Variants in AHRR observed in about 807,000 individuals in gnomAD.
The protein encoded by AHRR is aryl hydrocarbon receptor repressor.
In AHRR, 28 loss-of-function variants were observed where a neutral mutation model predicts 44.0. That is an observed-to-expected ratio of 0.64 (90% CI 0.47 to 0.87). The LOEUF (loss-of-function observed/expected upper bound fraction) is 0.87. AHRR is among the 40% of genes least tolerant of loss of function. AHRR has a pLI of 0.00. For synonymous variants in AHRR, 434 were observed against 407.0 expected, an observed-to-expected ratio of 1.07 and a Z score of -0.80; for missense variants, 990 against 953.9, an observed-to-expected ratio of 1.04 and a Z score of -0.50.
At chr5:416,872 G>A (rs191908699) in intron 5 of AHRR, among the ~76,000 whole-genome samples, 1 of 152,274 alleles carries the variant, frequency 6.6e-6, no homozygotes, top group Non-Finnish European at 1.5e-5. Context: ...CAGGGCCCAT[G>A]TCTAGAGAAG....
intron 5 of AHRR, among the ~76,000 whole-genome samples, chr5:414,401 G>T (rs1317582887): frequency 6.6e-6 from 1 of 152,132 alleles, no homozygotes; most frequent in Non-Finnish European, 1.5e-5. Flanking sequence ...TTCTCCCATT[G>T]CACGGCGAGG....
At position 404,087 on chromosome 5, in the gene AHRR, G is replaced by C. The variant is rs540634981; in HGVS notation, c.352-9257G>C. 1.4e-4 allele frequency: 86 copies of C among 634,730 alleles called. No individual in the cohort carries two copies. The African/African-American group carries it at 1.4e-3, about 10-fold the overall frequency. The allele number at this position is 634,730 out of a possible 1,614,324, so 39.3% of individuals were successfully genotyped here. A position where few individuals can be genotyped will look rare whatever the true frequency, so the allele number is the denominator to read the frequency against. On this transcript the variant is annotated intron_variant, in intron 4 of 10. Coordinates refer to ENST00000684583, the MANE Select transcript of AHRR (RefSeq NM_001377236.1). The surrounding 1 kb of genome is among the most constrained non-coding windows in gnomAD (Gnocchi z 4.1). ...TGTCCAGCGTTTGAAGAAAAAGTCAGTTCCGTTGTCAGGGTTGGTCCAGGT... is the reference window on the plus strand; with the variant it reads ...TGTCCAGCGTTTGAAGAAAAAGTCACTTCCGTTGTCAGGGTTGGTCCAGGT...
In AHRR at chr5:434,218, C is replaced by G; in HGVS notation, c.1478C>G (p.Pro493Arg). The G allele has an allele frequency of 6.3e-7, 1 of 1,589,918 alleles. No homozygotes were observed. The highest frequency in any genetic ancestry group is 8.6e-7 in the Non-Finnish European group (1 of 1,168,092). Residue 493 changes from proline (P) to arginine (R), a missense_variant, in exon 11 of 11, where the codon CCT (proline) becomes CGT (arginine). Coordinates refer to ENST00000684583, the MANE Select transcript of AHRR (RefSeq NM_001377236.1). ...CAGAGGAGCCTGCAGCACCAGCTCC[C>G]TCAGCCTGGAGCTCAGCGTTTTGCC... ...FPQRSLQHQLPQPGAQRFATR... is the reference protein window; with the variant it reads ...FPQRSLQHQLRQPGAQRFATR...
In AHRR at chr5:434,190, C is replaced by G; in HGVS notation, c.1450C>G (p.Pro484Ala). 1 of 1,594,154 alleles carries G rather than the reference C, an allele frequency of 6.3e-7. No individual in the cohort carries two copies. Among genetic ancestry groups the G allele is most frequent in the Non-Finnish European group, 8.5e-7 (1 of 1,170,244 alleles). ...GGTGCACCCTCCCCTCTGCCACTTT[C>G]CCCAGAGGAGCCTGCAGCACCAGCT... ...DQVHPPLCHF[P>A]QRSLQHQLPQ... The change falls in exon 11 of 11, where the codon CCC becomes GCC. Residue 484 changes from proline (P) to alanine (A), a missense_variant. Transcript: ENST00000684583.
intron 5 of AHRR, among the ~76,000 whole-genome samples, chr5:414,139 C>T (rs561610773): frequency 4.8e-4 from 73 of 151,968 alleles, no homozygotes; most frequent in African/African-American, 1.4e-3. Context: ...GGCGTGCACC[C>T]GTAGTCCCAG....
rs56042615 is a variant in AHRR at position 437,552 on chromosome 5, G to A, written c.*2718G>A. 0.26 allele frequency: 40,327 copies of A among 152,342 alleles called. 6,966 individuals carry two copies. Among genetic ancestry groups the A allele is most frequent in the Non-Finnish European group, 0.39 (26,460 of 68,000 alleles). The allele number at this position is 152,342 out of a possible 1,614,324, so 9.4% of individuals were successfully genotyped here. A position where few individuals can be genotyped will look rare whatever the true frequency, so the allele number is the denominator to read the frequency against. On this transcript the variant is annotated 3_prime_UTR_variant, in exon 11 of 11. Coordinates refer to ENST00000684583, the MANE Select transcript of AHRR (RefSeq NM_001377236.1). ...TCAGTGTCATCAAAGGAGCACTGGG[G>A]CCTCCTTAAGCACAGACGGCAGCCC...
At chr5:432,768 G>C (rs777392856) in intron 9 of AHRR, 38 bp from the exon 10 acceptor site, 9 of 1,612,912 alleles carry the variant, frequency 5.6e-6, no homozygotes, top group South Asian at 1.1e-5. Flanking sequence ...TCCTCAGCTC[G>C]CACCGTGACG....
At chr5:345,311 GAT>G (rs1491258861) in intron 2 of AHRR, among the ~76,000 whole-genome samples, 3 of 84,444 alleles carry the variant, frequency 3.6e-5, no homozygotes, top group Admixed American at 1.2e-4. Flanking sequence ...TGTGTGTGGG[GAT>G]GTGTGTGTGT....
In AHRR at chr5:388,235, A is replaced by T. The variant is rs548164191; in HGVS notation, c.351+11519A>T. Among the ~76,000 whole-genome samples the T allele has an allele frequency of 2.3e-4, 35 of 152,300 alleles. No homozygotes were observed. Among genetic ancestry groups the T allele is most frequent in the African/African-American group, 7.5e-4 (31 of 41,570 alleles). The stretch of plus-strand genomic sequence containing the variant: ...GACAGGGGAAAGCTCAGGTTGGAAG[A>T]GCTCAGGGTTGGGGCAGAAACTCAG... On this transcript the variant is annotated intron_variant, in intron 4 of 10. Coordinates refer to ENST00000684583, the MANE Select transcript of AHRR (RefSeq NM_001377236.1). The surrounding 1 kb of genome is among the most constrained non-coding windows in gnomAD (Gnocchi z 5.2).
At chr5:402,061 C>T (rs1056336538) in intron 4 of AHRR, among the ~76,000 whole-genome samples, 6 of 152,088 alleles carry the variant, frequency 3.9e-5, no homozygotes, top group East Asian at 1.9e-4. Flanking sequence ...ATCTCACTGG[C>T]GGGAAAGACC....
At chr5:324,013 T>TTCTTTC (rs138310695) in intron 1 of AHRR, among the ~76,000 whole-genome samples, 13,047 of 138,296 alleles carry the variant, frequency 0.094, 883 homozygotes, top group African/African-American at 0.12. Flanking sequence ...TTCTCTTTCT[T>TTCTTTC]TCTTTCTTTC....
chr5:330,224 G>A (rs533774731), intron 1 of AHRR, among the ~76,000 whole-genome samples: 8 of 152,184 alleles, frequency 5.3e-5, no homozygotes, highest in South Asian at 2.1e-4. Flanking sequence ...TGAGTTGATC[G>A]TATGGTTTTT....
At chr5:410,537 G>A (rs773310429) in intron 4 of AHRR, among the ~76,000 whole-genome samples, 10 of 124,312 alleles carry the variant, frequency 8.0e-5, no homozygotes, top group Non-Finnish European at 1.4e-4. Flanking sequence ...TCAGCTTGTC[G>A]CTTTCTATAA....
chr5:415,997 G>T (rs1289906367), intron 5 of AHRR, among the ~76,000 whole-genome samples: 1 of 152,190 alleles, frequency 6.6e-6, no homozygotes, highest in Non-Finnish European at 1.5e-5. Context: ...GAACTGCAAG[G>T]ACCACGTGAC....
At chr5:348,323 T>TC (rs969289535) in intron 2 of AHRR, among the ~76,000 whole-genome samples, 1 of 148,984 alleles carries the variant, frequency 6.7e-6, no homozygotes, top group Non-Finnish European at 1.5e-5. Flanking sequence ...CCACAGGGAT[T>TC]CCCCCCCTCC....
At chr5:333,139 C>T (rs1194005461) in intron 1 of AHRR, among the ~76,000 whole-genome samples, 2 of 152,000 alleles carry the variant, frequency 1.3e-5, no homozygotes, top group African/African-American at 4.8e-5. Context: ...AACTCCTGGC[C>T]TCAAGCAATC....
intron 2 of AHRR, among the ~76,000 whole-genome samples, 186 bp downstream of exon 2, chr5:344,150 G>A (rs967441705): frequency 6.6e-6 from 1 of 151,368 alleles, no homozygotes. Flanking sequence ...CCCGGTGCCC[G>A]GAGCCCCCGG....
At chr5:432,674 G>T in intron 9 of AHRR, 132 bp from the exon 10 acceptor site, 7 of 1,526,428 alleles carry the variant, frequency 4.6e-6, no homozygotes, top group Non-Finnish European at 6.3e-6. Context: ...GTGGACAAGT[G>T]CCGTTCCTGG....
intron 2 of AHRR, among the ~76,000 whole-genome samples, chr5:346,522 T>A (rs1306637955): frequency 2.0e-5 from 3 of 152,180 alleles, no homozygotes; most frequent in Admixed American, 6.5e-5. Context: ...CCTTATTTAA[T>A]GTGACAAATA....
Sources: gnomAD v4.1 joint callset for allele counts (sites outside exome capture counted in the v4.1 genomes callset) on GRCh38, gnomAD v4.1.1 for gene constraint, Gnocchi (gnomAD v3.1) non-coding constraint, MANE v1.5 for transcripts, NCBI Gene and HGNC (gene_info 2026-07-23, HGNC 2026-07-21) for gene names.